Variants in LIPC observed in about 807,000 individuals in gnomAD.
The protein encoded by LIPC is lipase C, hepatic type.
LIPC carries 44 observed loss-of-function variants against 50.7 expected under a neutral mutation model. The ratio of observed to expected loss-of-function variants is 0.87; its 90% CI spans 0.68 to 1.11. The LOEUF is 1.11. Ranked by LOEUF, LIPC falls within the 50% of genes most tolerant of loss-of-function variation. The pLI is 0.00. For missense variants in LIPC, 697 were observed against 648.2 expected (o/e 1.08, Z -0.82); for synonymous variants, 271 against 256.4 (o/e 1.06, Z -0.54).
chr15:58,557,375 T>C (rs1893987539), intron 6 of LIPC, among the ~76,000 whole-genome samples: 1 of 116,976 alleles, frequency 8.5e-6, no homozygotes, highest in Admixed American at 1.1e-4. Flanking sequence ...TGCCATTATA[T>C]GCTCTTTTTT....
intron 1 of LIPC, among the ~76,000 whole-genome samples, chr15:58,525,924 C>T (rs1294749712): frequency 6.6e-6 from 1 of 152,184 alleles, no homozygotes; most frequent in Non-Finnish European, 1.5e-5. Context: ...TGAGAACCTG[C>T]TATATACCAG....
intron 1 of LIPC, among the ~76,000 whole-genome samples, chr15:58,530,963 C>A (rs1189039444): frequency 6.6e-6 from 1 of 152,206 alleles, no homozygotes. Flanking sequence ...ATAAAGCTGC[C>A]ATGAACATTT....
Position 58,471,335 on chromosome 15 carries a change from G to GGGC in LIPC, c.88+39217_88+39218insCGG, listed in dbSNP as rs373848994. Among the ~76,000 whole-genome samples, 506 of 141,162 alleles carry GGGC rather than the reference G, an allele frequency of 3.6e-3. 12 individuals are homozygous for GGGC. The highest frequency in any genetic ancestry group is 0.012 in the African/African-American group (448 of 38,300). 92.6% of individuals were successfully genotyped at this position (141,162 alleles called of 152,430 possible). On this transcript the variant is annotated intron_variant, in intron 1 of 8. Transcript: ENST00000299022. ...TTGTATTTTTAGTAGAGATGGGGGG[G>GGGC]GGTGGTCTCACCATGTTGGCCAAGC...
At chr15:58,518,571 C>T (rs571235031) in intron 1 of LIPC, among the ~76,000 whole-genome samples, 1 of 152,300 alleles carries the variant, frequency 6.6e-6, no homozygotes, top group Admixed American at 6.5e-5. Context: ...ACCCAATCCA[C>T]TTTCCAAGGA....
At chr15:58,553,142 G>A (rs574677544) in intron 6 of LIPC, among the ~76,000 whole-genome samples, 17 of 152,322 alleles carry the variant, frequency 1.1e-4, no homozygotes, top group Admixed American at 5.2e-4. Flanking sequence ...AGGCATCAGA[G>A]AGGACTCAAA....
rs765826960 is a variant in LIPC at position 58,560,927 on chromosome 15, T to G, written c.1115T>G (p.Phe372Cys). 3 of 1,571,852 alleles carry G rather than the reference T, an allele frequency of 1.9e-6. No homozygotes were observed. Among genetic ancestry groups the G allele is most frequent in the Non-Finnish European group, 1.8e-6 (2 of 1,141,290 alleles). The change falls in exon 7 of 9, where the codon TTT (phenylalanine) becomes TGT (cysteine). Residue 372 changes from phenylalanine to cysteine, a missense_variant. By Grantham distance (205) the Phe-to-Cys change is radical. Transcript: ENST00000299022. ...ACTGAGACACCAATACAAACAACTT[T>G]TACCATGTCACTACTCGGAACAAAA... ...NQTETPIQTTFTMSLLGTKEK... is the reference protein window; with the variant it reads ...NQTETPIQTTCTMSLLGTKEK...
intron 1 of LIPC, chr15:58,494,778 T>C (rs1294361387): frequency 1.5e-5 from 7 of 456,156 alleles, no homozygotes; most frequent in Non-Finnish European, 1.8e-5. Flanking sequence ...TTTACCTGAA[T>C]GCACATAAGG....
intron 4 of LIPC, among the ~76,000 whole-genome samples, chr15:58,544,080 C>G (rs1460307982): frequency 1.3e-5 from 2 of 152,198 alleles, no homozygotes; most frequent in African/African-American, 2.4e-5. Context: ...GTTCATCTTG[C>G]TGGTCACTGG....
chr15:58,562,166 C>A (rs142984453), intron 7 of LIPC, among the ~76,000 whole-genome samples: 2 of 152,296 alleles, frequency 1.3e-5, no homozygotes, highest in East Asian at 3.9e-4. Context: ...CACAGCCCAT[C>A]CCACATGGCC....
intron 1 of LIPC, among the ~76,000 whole-genome samples, chr15:58,504,516 A>G (rs1484563167): frequency 2.0e-5 from 3 of 152,136 alleles, no homozygotes; most frequent in Non-Finnish European, 2.9e-5. Flanking sequence ...ACAGCACTCA[A>G]CAGGCCAAAA....
At chr15:58,507,790 T>C (rs1353922446) in intron 1 of LIPC, among the ~76,000 whole-genome samples, 5 of 152,214 alleles carry the variant, frequency 3.3e-5, no homozygotes, top group South Asian at 2.1e-4. Context: ...TATTTTAACA[T>C]GTCTAGCACT....
intron 4 of LIPC, 75 bp downstream of exon 4, chr15:58,542,726 G>C (rs1893376762): frequency 1.0e-6 from 1 of 962,280 alleles, no homozygotes; most frequent in African/African-American, 1.6e-5. Context: ...TTTTCCAACA[G>C]GCTCATCATT....
chr15:58,546,052 C>A (rs1893519153), intron 5 of LIPC, 77 bp downstream of exon 5: 2 of 1,224,830 alleles, frequency 1.6e-6, no homozygotes, highest in Non-Finnish European at 2.4e-6. Context: ...AATCTACCAA[C>A]ATACGGGACT....
At chr15:58,454,508 C>G (rs1894037882) in intron 1 of LIPC, 1 of 152,192 alleles carries the variant, frequency 6.6e-6, no homozygotes, top group African/African-American at 2.4e-5. Context: ...CAGCCCAGGT[C>G]AAATGGGGTC....
intron 1 of LIPC, among the ~76,000 whole-genome samples, chr15:58,495,798 A>C (rs1891744612): frequency 6.6e-6 from 1 of 152,208 alleles, no homozygotes; most frequent in Non-Finnish European, 1.5e-5. Context: ...TTTTACACAC[A>C]GTCAGCATCT....
intron 1 of LIPC, among the ~76,000 whole-genome samples, chr15:58,464,989 G>T (rs768703971): frequency 4.6e-5 from 7 of 152,002 alleles, no homozygotes; most frequent in Non-Finnish European, 7.4e-5. Context: ...GGGGAGCGAG[G>T]GGGGAGCCCA....
At chr15:58,542,345 G>A (rs1012634405) in intron 3 of LIPC, among the ~76,000 whole-genome samples, 189 bp from the exon 4 acceptor site, 6 of 152,176 alleles carry the variant, frequency 3.9e-5, no homozygotes, top group South Asian at 2.1e-4. Context: ...GCTACAAGGC[G>A]AGGTCACAGG....
rs751270657 is a variant in LIPC, at chr15:58,565,138, C to G, written c.1388+1415C>G. 1.2e-5 allele frequency: 18 copies of G among 1,483,896 alleles called. No homozygotes were observed. In the South Asian group the frequency reaches 1.9e-4, roughly 16 times the overall value. The allele number at this position is 1,483,896 out of a possible 1,614,324, so 91.9% of individuals were successfully genotyped here. A position where few individuals can be genotyped will look rare whatever the true frequency, so the allele number is the denominator to read the frequency against. On this transcript the variant is annotated intron_variant, in intron 8 of 8. Transcript: ENST00000299022. ...ATTTTATCTCCCTGGGATGCAAAAT[C>G]CTGGCAATTACTGAGAGCATACTCT...
chr15:58,518,136 AG>A (rs1302877485), intron 1 of LIPC, among the ~76,000 whole-genome samples: 1 of 152,216 alleles, frequency 6.6e-6, no homozygotes, highest in Non-Finnish European at 1.5e-5. Context: ...TGTGCATTGA[AG>A]GGTGTTGAGC....
Sources: allele counts gnomAD v4.1 joint callset (sites outside exome capture counted in the v4.1 genomes callset), GRCh38; gene constraint gnomAD v4.1.1; transcripts MANE v1.5; gene names NCBI Gene and HGNC (gene_info 2026-07-23, HGNC 2026-07-21).